PCDHGA6: variants seen among roughly 807,000 people sequenced by gnomAD.
PCDHGA6 encodes the protein protocadherin gamma subfamily A, 6.
PCDHGA6 carries 41 observed loss-of-function variants against 60.6 expected under a neutral mutation model. The observed-to-expected ratio is 0.68, with a 90% CI of 0.53 to 0.88. PCDHGA6 has a LOEUF of 0.88. Ranked by LOEUF, PCDHGA6 falls within the 40% of genes least tolerant of loss-of-function variation. The probability of loss-of-function intolerance (pLI) is 0.00; values close to 1 mark genes in which losing one functional copy is unlikely to be tolerated. For missense variants in PCDHGA6, 1,312 were observed against 1,203.0 expected, an observed-to-expected ratio of 1.09 and a Z score of -1.34; for synonymous variants, 594 against 524.4, an observed-to-expected ratio of 1.13 and a Z score of -1.81.
chr5:141,383,259 C>G (rs768704302), intron 1 of PCDHGA6: 1 of 1,613,810 alleles, frequency 6.2e-7, no homozygotes, highest in South Asian at 1.1e-5. Context: ...ACCCTATAGA[C>G]GTGGAAATAA....
chr5:141,404,124 C>A, intron 1 of PCDHGA6: 1 of 1,613,272 alleles, frequency 6.2e-7, no homozygotes, highest in Non-Finnish European at 8.5e-7. Context: ...GAGAATCTAT[C>A]TTTTACATTA....
intron 1 of PCDHGA6, among the ~76,000 whole-genome samples, chr5:141,425,699 G>A (rs535043616): frequency 6.6e-6 from 1 of 152,260 alleles, no homozygotes; most frequent in Non-Finnish European, 1.5e-5. Context: ...ATTTCATAGT[G>A]GTCAAAATTT....
At chr5:141,394,219 C>T (rs1355390708) in intron 1 of PCDHGA6, 1 of 1,613,786 alleles carries the variant, frequency 6.2e-7, no homozygotes, top group Non-Finnish European at 8.5e-7. Context: ...CTGAGAGGAG[C>T]CTCCATCTTT....
intron 1 of PCDHGA6, chr5:141,418,622 G>A: frequency 2.5e-6 from 4 of 1,614,026 alleles, no homozygotes; most frequent in Non-Finnish European, 3.4e-6. Context: ...TCGGGAAGAC[G>A]TGCCTCCAGG....
chr5:141,460,961 ATGTGTGTG>A (rs35821115), intron 1 of PCDHGA6, among the ~76,000 whole-genome samples: 11 of 144,552 alleles, frequency 7.6e-5, no homozygotes, highest in South Asian at 2.2e-4. Context: ...GTATATATAT[ATGTGTGTG>A]TGTGTGTGTG....
At chr5:141,481,606 C>T (rs2099540144) in intron 1 of PCDHGA6, among the ~76,000 whole-genome samples, 1 of 152,000 alleles carries the variant, frequency 6.6e-6, no homozygotes, top group South Asian at 2.1e-4. Context: ...TCACCTGAGG[C>T]CAGGAGTTCA....
At chr5:141,478,567 C>A in intron 1 of PCDHGA6, 1 of 1,593,812 alleles carries the variant, frequency 6.3e-7, no homozygotes, top group Non-Finnish European at 8.6e-7. Flanking sequence ...GCAAGTCATG[C>A]TTGACCCTGT....
intron 1 of PCDHGA6, chr5:141,383,281 G>C: frequency 6.2e-7 from 1 of 1,613,922 alleles, no homozygotes; most frequent in Non-Finnish European, 8.5e-7. Context: ...AGATATTAAT[G>C]ACAACGTTCC....
At position 141,404,691 on chromosome 5, in the gene PCDHGA6, G is replaced by T. The variant is rs200601931; in HGVS notation, c.2424+28184G>T. ...TCTACTGGTGTGGAGCTGGCACCCC[G>T]CTCTGCAGAGCCTGGCTACCTGGTG... On this transcript the variant is annotated intron_variant, in intron 1 of 3. Transcript: ENST00000517434. 28 of 1,613,996 alleles carry T rather than the reference G, an allele frequency of 1.7e-5. No individual in the cohort carries two copies. The highest frequency in any genetic ancestry group is 1.6e-4 in the Middle Eastern group (1 of 6,062).
In PCDHGA6 at chr5:141,476,467, G is replaced by A. The variant is rs375302797; in HGVS notation, c.2425-18340G>A. On this transcript the variant is annotated intron_variant, in intron 1 of 3. Transcript: ENST00000517434. This position sits in a 1 kb window ranked among gnomAD's most constrained non-coding sequence, Gnocchi z 7.6. Reference sequence around the variant, plus strand: ...AGTTGGTAGTGGAGAACCCGCTGGAGCTGTTCAGCGTGGAAGTGGTGATCC... The same window carrying A: ...AGTTGGTAGTGGAGAACCCGCTGGAACTGTTCAGCGTGGAAGTGGTGATCC... The A allele has an allele frequency of 2.3e-5, 37 of 1,614,142 alleles. No individual in the cohort carries two copies. The African/African-American group carries it at 4.5e-4, about 20-fold the overall frequency.
At chr5:141,384,290 A>T in intron 1 of PCDHGA6, 1 of 1,613,874 alleles carries the variant, frequency 6.2e-7, no homozygotes, top group Non-Finnish European at 8.5e-7. Context: ...ATCGCTGAGA[A>T]CAACCCCAGA....
intron 1 of PCDHGA6, among the ~76,000 whole-genome samples, chr5:141,407,444 C>G (rs578101282): frequency 6.7e-6 from 1 of 150,116 alleles, no homozygotes; most frequent in South Asian, 2.1e-4. Flanking sequence ...AAAACCAGAA[C>G]ACGAGGCTCA....
chr5:141,384,828 G>T (rs746957314), intron 1 of PCDHGA6: 2 of 1,613,488 alleles, frequency 1.2e-6, no homozygotes, highest in African/African-American at 1.3e-5. Flanking sequence ...AGAGCCTCGT[G>T]GTGGCCGTCC....
intron 1 of PCDHGA6, chr5:141,393,601 C>T (rs1392489335): frequency 8.1e-6 from 13 of 1,613,812 alleles, no homozygotes; most frequent in Non-Finnish European, 1.1e-5. Flanking sequence ...CGGCTGCTTA[C>T]TGTAACAGCC....
At chr5:141,434,658 T>C (rs1243599957) in intron 1 of PCDHGA6, among the ~76,000 whole-genome samples, 2 of 152,198 alleles carry the variant, frequency 1.3e-5, no homozygotes, top group African/African-American at 2.4e-5. Flanking sequence ...ATCTAATATC[T>C]ATAGAAATGA....
intron 1 of PCDHGA6, chr5:141,417,766 C>G: frequency 6.9e-7 from 1 of 1,442,472 alleles, no homozygotes; most frequent in Non-Finnish European, 9.1e-7. Flanking sequence ...AGACCCGGGA[C>G]TCCTCCTGTC....
intron 1 of PCDHGA6, chr5:141,395,381 A>T (rs562557513): frequency 2.7e-6 from 3 of 1,094,770 alleles, no homozygotes; most frequent in Non-Finnish European, 3.8e-6. Flanking sequence ...TGGTGTTACT[A>T]TAAAATTGAA....
At chr5:141,399,309 C>G (rs2093783867) in intron 1 of PCDHGA6, 1 of 1,613,902 alleles carries the variant, frequency 6.2e-7, no homozygotes, top group Non-Finnish European at 8.5e-7. Context: ...TCTCTTCATC[C>G]AAAAATTCGT....
chr5:141,501,323 A>G (rs2099807887), intron 2 of PCDHGA6, among the ~76,000 whole-genome samples: 1 of 151,850 alleles, frequency 6.6e-6, no homozygotes, highest in East Asian at 1.9e-4. Flanking sequence ...ACACACACAC[A>G]CACACACACA....
Sources: gnomAD v4.1 joint callset for allele counts (sites outside exome capture counted in the v4.1 genomes callset) on GRCh38, gnomAD v4.1.1 for gene constraint, Gnocchi (gnomAD v3.1) non-coding constraint, MANE v1.5 for transcripts, NCBI Gene and HGNC (gene_info 2026-07-23, HGNC 2026-07-21) for gene names.